The following ABCA1 variants were observed in gnomAD, a reference collection of about 807,000 sequenced individuals.
ABCA1 encodes phospholipid-transporting ATPase ABCA1.
ABCA1 carries 133 observed loss-of-function variants against 262.5 expected under a neutral mutation model. The observed-to-expected ratio is 0.51, with a 90% CI of 0.44 to 0.59. The LOEUF (loss-of-function observed/expected upper bound fraction) is 0.59. Ranked by LOEUF, ABCA1 falls within the 20% of genes least tolerant of loss-of-function variation. The pLI is 0.00. For synonymous variants in ABCA1, 1,022 were observed against 1,043.5 expected (o/e 0.98, Z 0.40); for missense variants, 2,452 against 2,777.5 (o/e 0.88, Z 2.63).
intron 11 of ABCA1, 60 bp from the exon 12 acceptor site, chr9:104,832,831 C>T: frequency 4.0e-6 from 6 of 1,489,218 alleles, no homozygotes; most frequent in Non-Finnish European, 5.6e-6. Flanking sequence ...AGGAGCACTA[C>T]AAAATTTACA....
chr9:104,893,946 C>T (rs543557911), intron 2 of ABCA1, among the ~76,000 whole-genome samples: 216 of 152,256 alleles, frequency 1.4e-3, no homozygotes, highest in African/African-American at 4.6e-3. Context: ...GTACTCAAGA[C>T]GTTTTGTGTA....
rs1339970975 is a variant in ABCA1 at position 104,788,460 on chromosome 9, A to C, written c.6035T>G (p.Leu2012Arg). The stretch of plus-strand genomic sequence containing the variant: ...TTCTTTCTCTGGGACTCCTCTCAAA[A>C]GGGCAAAGAACTCCACGTGTTCTCT... ...TGREHVEFFA[L>R]LRGVPEKEVG... is the part of the protein sequence containing the mutation. The change falls in exon 45 of 50, where the codon CTT (leucine) becomes CGT (arginine). Residue 2012 changes from leucine (L) to arginine (R), a missense_variant. Coordinates refer to ENST00000374736, the MANE Select transcript of ABCA1 (RefSeq NM_005502.4). The C allele has an allele frequency of 1.2e-6, 2 of 1,614,208 alleles. No homozygotes were observed. Among genetic ancestry groups the C allele is most frequent in the African/African-American group, 1.3e-5 (1 of 75,070 alleles).
At chr9:104,788,619 G>A in intron 44 of ABCA1, 52 bp from the exon 45 acceptor site, 1 of 1,601,072 alleles carries the variant, frequency 6.2e-7, no homozygotes, top group Non-Finnish European at 8.5e-7. Context: ...AGATACTCTG[G>A]TTAGACAATC....
Position 104,922,458 on chromosome 9 carries a change from C to T in ABCA1, c.-93+5477G>A, listed in dbSNP as rs551231158. On this transcript the variant is annotated intron_variant, in intron 1 of 49. Transcript: ENST00000374736. ...CTGGGATGCGACTTCAGCTCCACTACTTACGAACTCCATAATAATGTACCT... is the reference window on the plus strand; with the variant it reads ...CTGGGATGCGACTTCAGCTCCACTATTTACGAACTCCATAATAATGTACCT... Among the ~76,000 whole-genome samples, 8 of 152,344 alleles carry T rather than the reference C, an allele frequency of 5.3e-5. No individual in the cohort carries two copies. In the South Asian group the frequency reaches 1.7e-3, roughly 32 times the overall value.
chr9:104,815,660 T>C (rs1831682109), intron 25 of ABCA1, among the ~76,000 whole-genome samples: 1 of 152,162 alleles, frequency 6.6e-6, no homozygotes, highest in South Asian at 2.1e-4. Context: ...TATCCATCCA[T>C]AAACGTTTGT....
Position 104,832,715 on chromosome 9 carries a change from T to G in ABCA1, c.1368A>C (p.Leu456Phe), listed in dbSNP as rs1222222794. The G allele has an allele frequency of 6.2e-7, 1 of 1,614,226 alleles. No homozygotes were observed. The highest frequency in any genetic ancestry group is 1.1e-5 in the South Asian group (1 of 91,084). ...DHFWEQQLDG[L>F]DWTAQDIVAF... ...CCACGATGTCTTGGGCTGTCCAATCTAAGCCATCCAACTGCTGTTCCCAAA... is the reference window on the plus strand; with the variant it reads ...CCACGATGTCTTGGGCTGTCCAATCGAAGCCATCCAACTGCTGTTCCCAAA... Residue 456 changes from leucine (L) to phenylalanine (F), a missense_variant, in exon 12 of 50, where the codon TTA becomes TTC. By Grantham distance (22) the Leu-to-Phe change is conservative. Transcript: ENST00000374736.
chr9:104,861,939 G>C, intron 5 of ABCA1, 139 bp from the exon 6 acceptor site: 1 of 773,866 alleles, frequency 1.3e-6, no homozygotes, highest in Non-Finnish European at 2.1e-6. Context: ...ACAGGAATGA[G>C]ATAGGGGAGC....
At chr9:104,890,315 C>T (rs988586994) in intron 2 of ABCA1, among the ~76,000 whole-genome samples, 1 of 152,174 alleles carries the variant, frequency 6.6e-6, no homozygotes, top group African/African-American at 2.4e-5. Context: ...CACAGTGGCT[C>T]ATGCCTGTAA....
intron 5 of ABCA1, among the ~76,000 whole-genome samples, chr9:104,876,913 A>G (rs1838214273): frequency 6.6e-6 from 1 of 152,234 alleles, no homozygotes; most frequent in Non-Finnish European, 1.5e-5. Context: ...TGAGGCTGAC[A>G]CAAGTTGGTA....
At chr9:104,922,298 T>C (rs1159148276) in intron 1 of ABCA1, among the ~76,000 whole-genome samples, 1 of 152,222 alleles carries the variant, frequency 6.6e-6, no homozygotes, top group African/African-American at 2.4e-5. Context: ...TTCAGGCAAC[T>C]ATTTTCAGGT....
chr9:104,884,460 G>A lies in ABCA1; in HGVS notation c.269C>T (p.Ala90Val). 1 of 1,614,226 alleles carries A rather than the reference G, an allele frequency of 6.2e-7. No individual in the cohort carries two copies. The highest frequency in any genetic ancestry group is 8.5e-7 in the Non-Finnish European group (1 of 1,180,042). ...GTTAAAGTTTCCAACAACTCCGGGA[G>A]CCTCCCCAGGAGTCGGGTAACGGAA... ...PCFRYPTPGE[A>V]PGVVGNFNKS... Residue 90 changes from alanine to valine, a missense_variant, in exon 4 of 50, where the codon GCT becomes GTT. Ala to Val is a moderately conservative substitution (Grantham distance 64, BLOSUM62 0). This residue lies in a region of ABCA1 where 1,032 missense variants were observed against 1,089.7 expected (regional missense o/e 0.95). Coordinates refer to ENST00000374736, the MANE Select transcript of ABCA1 (RefSeq NM_005502.4).
intron 2 of ABCA1, among the ~76,000 whole-genome samples, chr9:104,894,032 T>C (rs1284630574): frequency 6.6e-6 from 1 of 152,188 alleles, no homozygotes; most frequent in East Asian, 1.9e-4. Flanking sequence ...GTGAAGAAAC[T>C]GAGGTTTGAA....
chr9:104,832,805 C>T, intron 11 of ABCA1, 34 bp from the exon 12 acceptor site: 3 of 1,601,038 alleles, frequency 1.9e-6, no homozygotes, highest in South Asian at 2.2e-5. Context: ...AAGTAGTAAA[C>T]ACCAACTAAA....
intron 9 of ABCA1, among the ~76,000 whole-genome samples, chr9:104,839,696 G>A (rs1260557913): frequency 6.6e-6 from 1 of 152,136 alleles, no homozygotes; most frequent in Non-Finnish European, 1.5e-5. Flanking sequence ...TATACAATGT[G>A]ATGTTTTAAT....
intron 16 of ABCA1, 64 bp downstream of exon 16, chr9:104,826,884 A>T: frequency 2.7e-6 from 4 of 1,458,292 alleles, no homozygotes; most frequent in East Asian, 2.3e-5. Flanking sequence ...TGCTGCTTTT[A>T]TTCAGGGACT....
intron 7 of ABCA1, chr9:104,855,588 G>A (rs969942314): frequency 1.8e-5 from 22 of 1,231,998 alleles, no homozygotes; most frequent in Non-Finnish European, 2.4e-5. Context: ...TCTATTTATT[G>A]AGCACCTATT....
At chr9:104,912,201 G>T (rs892073193) in intron 1 of ABCA1, among the ~76,000 whole-genome samples, 1 of 152,148 alleles carries the variant, frequency 6.6e-6, no homozygotes, top group Non-Finnish European at 1.5e-5. Flanking sequence ...ACTAGCTTTT[G>T]AGAAGCATAA....
intron 1 of ABCA1, among the ~76,000 whole-genome samples, chr9:104,920,155 A>G (rs767107434): frequency 1.1e-4 from 16 of 152,228 alleles, no homozygotes; most frequent in Non-Finnish European, 1.3e-4. Context: ...CCAAGGTCAC[A>G]TGGCTTAATG....
chr9:104,791,716 C>T (rs947774843), intron 43 of ABCA1, among the ~76,000 whole-genome samples: 2 of 152,204 alleles, frequency 1.3e-5, no homozygotes, highest in African/African-American at 2.4e-5. Flanking sequence ...TGAATCACTG[C>T]GCCCAGCCCC....
Sources: gnomAD v4.1 joint callset for allele counts (sites outside exome capture counted in the v4.1 genomes callset) on GRCh38, gnomAD v4.1.1 for gene constraint, gnomAD v4.1.1 regional missense constraint, MANE v1.5 for transcripts, NCBI Gene and HGNC (gene_info 2026-07-23, HGNC 2026-07-21) for gene names.